The following RGS3 variants were observed in gnomAD, a reference collection of about 807,000 sequenced individuals.
The protein encoded by RGS3 is regulator of G-protein signalling 3.
In RGS3, 80 loss-of-function variants were observed where a neutral mutation model predicts 132.6. The ratio of observed to expected loss-of-function variants is 0.60; its 90% CI spans 0.50 to 0.73. The LOEUF (loss-of-function observed/expected upper bound fraction) is 0.73, where lower values mean the gene tolerates loss of function less well. Ranked by LOEUF, RGS3 falls within the 30% of genes least tolerant of loss-of-function variation. RGS3 has a pLI of 0.00. For missense variants in RGS3, 1,382 were observed against 1,530.8 expected, an observed-to-expected ratio of 0.90 and a Z score of 1.62; for synonymous variants, 598 against 620.6, an observed-to-expected ratio of 0.96 and a Z score of 0.54.
At chr9:113,544,549 AG>A (rs2118689158) in intron 19 of RGS3, among the ~76,000 whole-genome samples, 1 of 152,334 alleles carries the variant, frequency 6.6e-6, no homozygotes, top group East Asian at 1.9e-4. Context: ...AGGCACCAAG[AG>A]GGTTTTTGCA....
chr9:113,507,588 C>A lies in RGS3; in HGVS notation c.1387C>A (p.Pro463Thr). Residue 463 changes from proline (P) to threonine (T), a missense_variant, in exon 13 of 25, where the codon CCC becomes ACC. Pro to Thr is a conservative substitution (Grantham distance 38, BLOSUM62 -1). Transcript: ENST00000350696. This position sits in a 1 kb window ranked among gnomAD's most constrained non-coding sequence, Gnocchi z 5.0. ...GCCTGCACTGTCCCGTGCCACTGCC[C>A]CCACCGACCCCAACTACATCATCCT... is the stretch of plus-strand genomic sequence containing the variant. 1 of 1,515,032 alleles carries A rather than the reference C, an allele frequency of 6.6e-7. No homozygotes were observed. 93.8% of individuals were successfully genotyped at this position (1,515,032 alleles called of 1,614,324 possible).
chr9:113,484,420 C>T (rs1830266036), intron 6 of RGS3, among the ~76,000 whole-genome samples, 188 bp downstream of exon 4: 1 of 152,082 alleles, frequency 6.6e-6, no homozygotes, highest in South Asian at 2.1e-4. Flanking sequence ...CCTTGCATCC[C>T]TGGCACCAGG....
At chr9:113,498,486 G>C (rs1434474222) in intron 10 of RGS3, among the ~76,000 whole-genome samples, 1 of 152,188 alleles carries the variant, frequency 6.6e-6, no homozygotes, top group African/African-American at 2.4e-5. Context: ...AGACCAAGGT[G>C]TTCTAACTCT....
intron 6 of RGS3, among the ~76,000 whole-genome samples, chr9:113,485,399 A>T (rs1229100059): frequency 3.9e-5 from 6 of 152,194 alleles, no homozygotes; most frequent in Admixed American, 2.6e-4. Context: ...CGAAAATGGA[A>T]TTATTTTATA....
chr9:113,499,280 C>T (rs1830790710), intron 10 of RGS3, among the ~76,000 whole-genome samples: 1 of 151,998 alleles, frequency 6.6e-6, no homozygotes, highest in Non-Finnish European at 1.5e-5. Flanking sequence ...TCATTAGCCC[C>T]TGTATACCAG....
At chr9:113,594,628 G>T in intron 22 of RGS3, 97 bp downstream of exon 20, 1 of 1,001,500 alleles carries the variant, frequency 1.0e-6, no homozygotes, top group East Asian at 2.5e-5. Flanking sequence ...GGGCTTGCCG[G>T]CTTGATCCAG....
intron 10 of RGS3, among the ~76,000 whole-genome samples, chr9:113,499,825 G>A (rs1257980910): frequency 6.6e-6 from 1 of 152,200 alleles, no homozygotes; most frequent in East Asian, 1.9e-4. Flanking sequence ...AGTTTACCTG[G>A]CACATGTGTC....
At chr9:113,470,119 C>G (rs1395289258) in intron 3 of RGS3, among the ~76,000 whole-genome samples, 1 of 152,124 alleles carries the variant, frequency 6.6e-6, no homozygotes, top group Non-Finnish European at 1.5e-5. Flanking sequence ...CCATGTTGGC[C>G]ACACTGGTCT....
intron 19 of RGS3, among the ~76,000 whole-genome samples, chr9:113,568,304 T>TAG (rs1834100735): frequency 6.6e-6 from 1 of 152,238 alleles, no homozygotes; most frequent in Non-Finnish European, 1.5e-5. Context: ...GCTCACTGAC[T>TAG]AGAGCCCTGC....
intron 7 of RGS3, among the ~76,000 whole-genome samples, chr9:113,487,359 C>A (rs1269939556): frequency 6.6e-6 from 1 of 152,006 alleles, no homozygotes; most frequent in Non-Finnish European, 1.5e-5. Context: ...GATCCACCCG[C>A]CTCGGCCTCC....
chr9:113,533,747 C>G (rs971479785), intron 18 of RGS3, among the ~76,000 whole-genome samples: 1 of 152,218 alleles, frequency 6.6e-6, no homozygotes, highest in Non-Finnish European at 1.5e-5. Context: ...GAAGGGACCA[C>G]AGTTCCTGCC....
intron 19 of RGS3, 60 bp downstream of exon 17, chr9:113,536,978 C>A: frequency 1.3e-6 from 2 of 1,538,444 alleles, no homozygotes. Flanking sequence ...CCAGCCTAGA[C>A]CCTTGAGCCT....
intron 3 of RGS3, among the ~76,000 whole-genome samples, chr9:113,474,842 C>G (rs1316610790): frequency 6.6e-6 from 1 of 152,172 alleles, no homozygotes; most frequent in Admixed American, 6.5e-5. Flanking sequence ...GCATGGGCTC[C>G]CACTGGGACA....
intron 17 of RGS3, 22 bp from the exon 16 acceptor site, chr9:113,529,199 C>G (rs531287110): frequency 6.2e-7 from 1 of 1,604,616 alleles, no homozygotes; most frequent in Admixed American, 1.7e-5. Flanking sequence ...TAATGCAAAT[C>G]TTACTTTTTG....
intron 24 of RGS3, 83 bp downstream of exon 22, chr9:113,595,848 C>G: frequency 6.8e-7 from 1 of 1,479,532 alleles, no homozygotes; most frequent in Non-Finnish European, 9.3e-7. Context: ...GCCAGCAGCA[C>G]AGGAAGGGGA....
At chr9:113,495,929 G>A in intron 8 of RGS3, 83 bp downstream of exon 6, 1 of 1,234,528 alleles carries the variant, frequency 8.1e-7, no homozygotes, top group Non-Finnish European at 1.2e-6. Context: ...CAGCTCTTGG[G>A]CAGGGCTTCT....
intron 19 of RGS3, among the ~76,000 whole-genome samples, chr9:113,543,371 A>G (rs1832980552): frequency 6.6e-6 from 1 of 152,250 alleles, no homozygotes; most frequent in Non-Finnish European, 1.5e-5. Flanking sequence ...AACCTAGGAA[A>G]GATCAGACAT....
intron 18 of RGS3, among the ~76,000 whole-genome samples, chr9:113,531,928 T>C (rs900298747): frequency 3.9e-5 from 6 of 152,350 alleles, no homozygotes; most frequent in Admixed American, 3.9e-4. Flanking sequence ...TTTTGTTTTT[T>C]ACAAAGATAC....
At chr9:113,514,023 G>C (rs1831525938) in intron 14 of RGS3, among the ~76,000 whole-genome samples, 1 of 152,210 alleles carries the variant, frequency 6.6e-6, no homozygotes, top group Admixed American at 6.5e-5. Flanking sequence ...ACACAGGCTG[G>C]TCACCACTCT....
Sources: allele counts gnomAD v4.1 joint callset (sites outside exome capture counted in the v4.1 genomes callset), GRCh38; gene constraint gnomAD v4.1.1; non-coding constraint Gnocchi (gnomAD v3.1); transcripts MANE v1.5; gene names NCBI Gene and HGNC (gene_info 2026-07-23, HGNC 2026-07-21).